YARS1: variants seen among roughly 807,000 people sequenced by gnomAD.
The protein encoded by YARS1 is tyrosine--tRNA ligase, cytoplasmic.
A neutral mutation model predicts 62.2 loss-of-function variants in YARS1; 36 were observed. The observed-to-expected ratio is 0.58, with a 90% CI of 0.44 to 0.76. The LOEUF (loss-of-function observed/expected upper bound fraction) is 0.76, where lower values mean the gene tolerates loss of function less well. Among genes scored for constraint, YARS1 ranks in the 30% least tolerant of loss-of-function variants. The pLI, the probability that YARS1 is intolerant of heterozygous loss-of-function variation, is 0.00. For missense variants in YARS1, 524 were observed against 639.8 expected (o/e 0.82, Z 1.95); for synonymous variants, 234 against 244.9 (o/e 0.96, Z 0.42).
chr1:32,775,783 T>C lies in YARS1; in HGVS notation c.*198A>G. On this transcript the variant is annotated 3_prime_UTR_variant, in exon 13 of 13. Transcript: ENST00000373477. The stretch of plus-strand genomic sequence containing the variant: ...TGGCCCAGCCCTTGTTAGGGGTTGG[T>C]CTCTCACTGCAGCCAGACAGGATGA... 1 of 614,328 alleles carries C rather than the reference T, an allele frequency of 1.6e-6. No homozygotes were observed. Among genetic ancestry groups the C allele is most frequent in the Non-Finnish European group, 2.9e-6 (1 of 341,724 alleles). 38.1% of individuals were successfully genotyped at this position (614,328 alleles called of 1,614,324 possible).
In YARS1 at chr1:32,782,463, A is replaced by C. The variant is rs751710783; in HGVS notation, c.983T>G (p.Phe328Cys). ...NKLLDPIREK[F>C]NTPALKKLAS... ...CAGTTTTTTCAGGGCAGGGGTATTA[A>C]ACTTTTCCCGGATTGGATCCAGCAA... Residue 328 changes from phenylalanine to cysteine, a missense_variant, in exon 9 of 13, where the codon TTT (phenylalanine) becomes TGT (cysteine). By Grantham distance (205) the Phe-to-Cys change is radical. Coordinates refer to ENST00000373477, the MANE Select transcript of YARS1 (RefSeq NM_003680.4). The C allele has an allele frequency of 3.7e-6, 6 of 1,614,026 alleles. No individual in the cohort carries two copies. Among genetic ancestry groups the C allele is most frequent in the Non-Finnish European group, 5.1e-6 (6 of 1,180,012 alleles).
intron 5 of YARS1, among the ~76,000 whole-genome samples, chr1:32,794,247 G>C (rs1380897389): frequency 6.6e-6 from 1 of 152,052 alleles, no homozygotes; most frequent in Non-Finnish European, 1.5e-5. Context: ...CTACTCAGTA[G>C]GCTGGGGCAC....
Position 32,817,314 on chromosome 1 carries a change from G to A in YARS1, c.-70C>T. 1.9e-6 allele frequency: 3 copies of A among 1,592,206 alleles called. No individual in the cohort carries two copies. The highest frequency in any genetic ancestry group is 2.6e-6 in the Non-Finnish European group (3 of 1,164,424). On this transcript the variant is annotated 5_prime_UTR_variant, in exon 1 of 13. Coordinates refer to ENST00000373477, the MANE Select transcript of YARS1 (RefSeq NM_003680.4). ...CCCTTCCTGGGTCACCGTCGCCGCC[G>A]CGTGCCGGGAACTGTCACGCGAGTC...
rs760540889 is a variant in YARS1, at chr1:32,786,448, CTA to C, written c.821-3_821-2del. ...TTCTCATCTCGTAGGATCACAAACT[CTA>C]TAAGGAAAAGGATCCATGTCAACAA... On this transcript the variant is annotated splice_acceptor_variant and splice_polypyrimidine_tract_variant and intron_variant, in intron 7 of 12. Coordinates refer to ENST00000373477, the MANE Select transcript of YARS1 (RefSeq NM_003680.4). LOFTEE classifies it high-confidence loss of function. The C allele has an allele frequency of 6.2e-6, 10 of 1,613,310 alleles. No homozygotes were observed. Among genetic ancestry groups the C allele is most frequent in the Non-Finnish European group, 8.5e-6 (10 of 1,179,578 alleles).
chr1:32,791,766 C>T (rs1653419464), intron 5 of YARS1, among the ~76,000 whole-genome samples: 1 of 152,120 alleles, frequency 6.6e-6, no homozygotes, highest in Admixed American at 6.6e-5. Flanking sequence ...CGTGCCATTG[C>T]ACTCCAGCCT....
At chr1:32,815,905 C>G (rs1638708338) in intron 1 of YARS1, among the ~76,000 whole-genome samples, 2 of 151,968 alleles carry the variant, frequency 1.3e-5, no homozygotes, top group Admixed American at 1.3e-4. Flanking sequence ...GTCAGGAGAT[C>G]GAGACCACCC....
intron 4 of YARS1, among the ~76,000 whole-genome samples, chr1:32,805,002 G>A (rs961921044): frequency 1.2e-4 from 19 of 152,146 alleles, no homozygotes; most frequent in Non-Finnish European, 2.5e-4. Flanking sequence ...ACGCCGAGGC[G>A]GGTAGATCAC....
intron 5 of YARS1, among the ~76,000 whole-genome samples, chr1:32,796,367 T>G (rs1052024593): frequency 9.5e-4 from 138 of 144,906 alleles, no homozygotes; most frequent in African/African-American, 3.4e-3. Context: ...TTTTTTTCTT[T>G]TTTGTTTTTT....
intron 3 of YARS1, among the ~76,000 whole-genome samples, chr1:32,807,646 C>T (rs771426725): frequency 2.0e-5 from 3 of 151,754 alleles, no homozygotes; most frequent in Admixed American, 6.6e-5. Flanking sequence ...TTTGTAGAGA[C>T]GTGGTTTCCC....
At chr1:32,800,146 A>C (rs893881657) in intron 4 of YARS1, among the ~76,000 whole-genome samples, 1 of 151,776 alleles carries the variant, frequency 6.6e-6, no homozygotes, top group Non-Finnish European at 1.5e-5. Context: ...ACACCTGGCT[A>C]ATTTTTGTAT....
At chr1:32,787,190 C>G (rs756485587) in intron 6 of YARS1, 115 bp from the exon 7 acceptor site, 5 of 1,269,820 alleles carry the variant, frequency 3.9e-6, no homozygotes, top group Non-Finnish European at 5.5e-6. Flanking sequence ...AGTGCAGTGG[C>G]ACAATCATGG....
chr1:32,778,581 C>A (rs1652944386), intron 12 of YARS1, among the ~76,000 whole-genome samples: 1 of 150,880 alleles, frequency 6.6e-6, no homozygotes, highest in Non-Finnish European at 1.5e-5. Context: ...CGATTTTTTT[C>A]TATTTTTAGT....
intron 1 of YARS1, among the ~76,000 whole-genome samples, chr1:32,814,199 T>A (rs749525199): frequency 6.6e-5 from 10 of 152,312 alleles, no homozygotes; most frequent in Non-Finnish European, 1.3e-4. Flanking sequence ...TCACTGATAG[T>A]TTCACTCCTA....
At chr1:32,813,231 T>G (rs1424325003) in intron 1 of YARS1, among the ~76,000 whole-genome samples, 1 of 152,256 alleles carries the variant, frequency 6.6e-6, no homozygotes, top group Non-Finnish European at 1.5e-5. Context: ...CTTGGACGCA[T>G]GTTCTCAGAA....
intron 5 of YARS1, among the ~76,000 whole-genome samples, chr1:32,793,858 A>G (rs1418740473): frequency 1.3e-5 from 2 of 152,252 alleles, no homozygotes; most frequent in Non-Finnish European, 2.9e-5. Context: ...TACCCAGTGA[A>G]AGAAATTGAA....
chr1:32,812,983 A>C (rs1212816610), intron 1 of YARS1, among the ~76,000 whole-genome samples: 1 of 151,740 alleles, frequency 6.6e-6, no homozygotes, highest in Middle Eastern at 3.4e-3. Context: ...AAAAAAAAAA[A>C]AAAAACCTTG....
intron 4 of YARS1, among the ~76,000 whole-genome samples, chr1:32,805,218 GAAAGGGGAGAGGGGGA>G (rs1638426376): frequency 1.7e-5 from 2 of 115,940 alleles, no homozygotes; most frequent in Non-Finnish European, 3.7e-5. Flanking sequence ...GGAGACGGTG[GAAAGGGGAGAGGGGGA>G]GAGGGGGAGA....
At chr1:32,786,691 T>C (rs1653239561) in intron 7 of YARS1, 2 of 695,578 alleles carry the variant, frequency 2.9e-6, no homozygotes, top group Non-Finnish European at 4.8e-6. Flanking sequence ...GTTCAACATG[T>C]CTGCCCCCAC....
At chr1:32,780,795 T>G in intron 10 of YARS1, 1 of 543,990 alleles carries the variant, frequency 1.8e-6, no homozygotes, top group Non-Finnish European at 3.3e-6. Context: ...TCAGACCAGA[T>G]TTAACAGATA....
Sources: gnomAD v4.1 joint callset for allele counts (sites outside exome capture counted in the v4.1 genomes callset) on GRCh38, gnomAD v4.1.1 for gene constraint, MANE v1.5 for transcripts, NCBI Gene and HGNC (gene_info 2026-07-23, HGNC 2026-07-21) for gene names.